Variants in ALG12 observed in about 807,000 individuals in gnomAD.
ALG12 encodes dol-P-Man:Man(7)GlcNAc(2)-PP-Dol alpha-1,6-mannosyltransferase.
A neutral mutation model predicts 46.0 loss-of-function variants in ALG12; 36 were observed. The observed-to-expected ratio is 0.78, with a 90% CI of 0.60 to 1.03. ALG12 has a LOEUF of 1.03. Among genes scored for constraint, ALG12 ranks in the 50% least tolerant of loss-of-function variants. The pLI is 0.00. For synonymous variants in ALG12, 326 were observed against 291.6 expected, an observed-to-expected ratio of 1.12 and a Z score of -1.20; for missense variants, 599 against 633.5, an observed-to-expected ratio of 0.95 and a Z score of 0.58.
At chr22:49,897,193 A>G (rs750565103), downstream of ALG12, among the ~76,000 whole-genome samples, 8 of 151,522 alleles carry the variant, frequency 5.3e-5, no homozygotes, top group African/African-American at 4.9e-5. Context: ...TTAGCACTGA[A>G]TAACAGACAT....
chr22:49,862,293 C>T, the ALG12 span, among the ~76,000 whole-genome samples: 5 of 152,160 alleles, frequency 3.3e-5, no homozygotes, highest in Admixed American at 6.5e-5. Flanking sequence ...ATTTTTTGTG[C>T]GGCGGAGGCC....
In ALG12 at chr22:49,909,281, C is replaced by T. The variant is rs1569175699; in HGVS notation, c.731G>A (p.Trp244Ter). ...GCTTTTGTTCAGGACAGTGTTGTAC[C>T]AAAGCACCTTTCCTTCCGGCCAAGT... Reference protein sequence around the residue: ...QLTWPEGKVLWYNTVLNKSSN... With the variant: ...QLTWPEGKVL Residue 244 changes from tryptophan (W) to a stop codon, truncating the protein, a stop_gained, in exon 6 of 10, where the codon TGG becomes TAG. Coordinates refer to ENST00000330817, the MANE Select transcript of ALG12 (RefSeq NM_024105.4). LOFTEE classifies it high-confidence loss of function. The T allele has an allele frequency of 6.2e-7, 1 of 1,614,236 alleles. No homozygotes were observed. The highest frequency in any genetic ancestry group is 1.7e-5 in the Admixed American group (1 of 60,028).
chr22:49,873,675 G>C, the ALG12 span, among the ~76,000 whole-genome samples: 1 of 141,538 alleles, frequency 7.1e-6, no homozygotes, highest in African/African-American at 3.2e-5. Context: ...GCAGTAAAGC[G>C]AGGTGCGGTG....
the ALG12 span, chr22:49,883,986 C>T: frequency 6.2e-7 from 1 of 1,613,186 alleles, no homozygotes; most frequent in African/African-American, 1.3e-5. Flanking sequence ...GCCTCCTTTC[C>T]AGCCGGAACA....
chr22:49,878,591 A>G, the ALG12 span, among the ~76,000 whole-genome samples: 1 of 152,222 alleles, frequency 6.6e-6, no homozygotes, highest in African/African-American at 2.4e-5. Context: ...AGATCTAAAT[A>G]TAAAACTTAA....
At chr22:49,879,641 G>C in the ALG12 span, among the ~76,000 whole-genome samples, 7 of 102,758 alleles carry the variant, frequency 6.8e-5, no homozygotes, top group African/African-American at 1.1e-4. Flanking sequence ...GTGTCTGGGC[G>C]TGTTTCTATT....
chr22:49,893,990 C>A, the ALG12 span, among the ~76,000 whole-genome samples: 10 of 152,194 alleles, frequency 6.6e-5, no homozygotes, highest in African/African-American at 2.4e-4. Flanking sequence ...ATGATGAAAC[C>A]CCGTCTTTAC....
chr22:49,874,345 C>T, the ALG12 span, among the ~76,000 whole-genome samples: 1 of 151,846 alleles, frequency 6.6e-6, no homozygotes, highest in Non-Finnish European at 1.5e-5. Flanking sequence ...CATCGAATGA[C>T]GTGCCCATAT....
In ALG12 at chr22:49,904,216, C is replaced by T. The variant is rs763006922; in HGVS notation, c.1201G>A (p.Gly401Ser). 3 of 1,613,984 alleles carry T rather than the reference C, an allele frequency of 1.9e-6. No individual in the cohort carries two copies. The highest frequency in any genetic ancestry group is 1.7e-5 in the Admixed American group (1 of 59,992). Residue 401 changes from glycine (G) to serine (S), a missense_variant, in exon 9 of 10, where the codon GGT (glycine) becomes AGT (serine). Transcript: ENST00000330817. ...LHIDVAAAQT[G>S]VSRFLQVNSA... ...TTGACTTGGAGAAACCGAGACACAC[C>T]TGTCTGGGCGGCTGCCACGTCAATG...
chr22:49,887,259 C>A, the ALG12 span: 1 of 1,448,928 alleles, frequency 6.9e-7, no homozygotes, highest in African/African-American at 1.4e-5. Flanking sequence ...CCCGCTCTGC[C>A]CACGGCTGTG....
intron 3 of ALG12, among the ~76,000 whole-genome samples, chr22:49,913,118 G>A (rs766046956): frequency 2.0e-5 from 3 of 152,230 alleles, no homozygotes; most frequent in Non-Finnish European, 4.4e-5. Context: ...CTCAGGTGGC[G>A]AGAGCTGCCT....
the ALG12 span, among the ~76,000 whole-genome samples, chr22:49,878,724 T>A: frequency 6.6e-6 from 1 of 152,020 alleles, no homozygotes; most frequent in African/African-American, 2.4e-5. Flanking sequence ...AAGTAAAAAC[T>A]TATGCTCTTC....
intron 1 of ALG12, among the ~76,000 whole-genome samples, chr22:49,917,792 A>C (rs965151851): frequency 1.4e-5 from 2 of 148,042 alleles, no homozygotes. Context: ...TGCACGTTTT[A>C]TTTCCCCTAA....
the ALG12 span, among the ~76,000 whole-genome samples, chr22:49,892,792 C>T: frequency 6.6e-6 from 1 of 152,124 alleles, no homozygotes; most frequent in East Asian, 1.9e-4. Context: ...TCAATGAAAA[C>T]ATCAGAGCTC....
chr22:49,885,083 A>G, the ALG12 span: 1 of 1,613,488 alleles, frequency 6.2e-7, no homozygotes, highest in Non-Finnish European at 8.5e-7. Flanking sequence ...GACAGCCTCA[A>G]GGCCGAGTGT....
chr22:49,864,943 C>CCCG, the ALG12 span, among the ~76,000 whole-genome samples: 12 of 10,892 alleles, frequency 1.1e-3, 1 homozygote, highest in Non-Finnish European at 3.1e-3. Context: ...GCAAGCCCCC[C>CCCG]CCCCCCCCCG....
the ALG12 span, among the ~76,000 whole-genome samples, chr22:49,862,693 CTTTTTTTTTTTTTT>C: frequency 1.7e-4 from 10 of 58,990 alleles, no homozygotes; most frequent in Non-Finnish European, 2.9e-4. Context: ...TAAGTTTTTC[CTTTTTTTTTTTTTT>C]TTTTTTTTTT....
chr22:49,894,509 A>G, the ALG12 span, among the ~76,000 whole-genome samples: 1 of 152,234 alleles, frequency 6.6e-6, no homozygotes, highest in East Asian at 1.9e-4. Flanking sequence ...CCACCCACAC[A>G]TCTGCTACAG....
downstream of ALG12, among the ~76,000 whole-genome samples, chr22:49,899,157 G>T (rs1466156184): frequency 6.6e-6 from 1 of 151,858 alleles, no homozygotes; most frequent in Admixed American, 6.6e-5. Flanking sequence ...CATATGAAAA[G>T]ACATTCAACT....
Sources: allele counts gnomAD v4.1 joint callset (sites outside exome capture counted in the v4.1 genomes callset), GRCh38; gene constraint gnomAD v4.1.1; transcripts MANE v1.5; gene names NCBI Gene and HGNC (gene_info 2026-07-23, HGNC 2026-07-21).